The following CELF4 variants were observed in gnomAD, a reference collection of about 807,000 sequenced individuals.
CELF4 encodes CUGBP Elav-like family member 4.
CELF4 carries 18 observed loss-of-function variants against 59.9 expected under a neutral mutation model. The observed-to-expected ratio is 0.30, with a 90% CI of 0.21 to 0.45. The LOEUF is 0.45. Ranked by LOEUF, CELF4 falls within the 20% of genes least tolerant of loss-of-function variation. The pLI, the probability that CELF4 is intolerant of heterozygous loss-of-function variation, is 1.00. For missense variants in CELF4, 456 were observed against 689.0 expected, an observed-to-expected ratio of 0.66 and a Z score of 3.79; for synonymous variants, 261 against 267.1, an observed-to-expected ratio of 0.98 and a Z score of 0.22.
At chr18:37,451,095 C>T (rs1021532363) in intron 2 of CELF4, among the ~76,000 whole-genome samples, 2 of 152,178 alleles carry the variant, frequency 1.3e-5, no homozygotes, top group African/African-American at 4.8e-5. Flanking sequence ...GCTGCAGAGA[C>T]CAGGCTCTGC....
chr18:37,393,030 G>A (rs1199932587), intron 2 of CELF4, among the ~76,000 whole-genome samples: 2 of 152,090 alleles, frequency 1.3e-5, no homozygotes, highest in South Asian at 2.1e-4. Context: ...CATATGCCTA[G>A]GCATAGTGTG....
At chr18:37,443,139 A>G (rs2099737718) in intron 2 of CELF4, among the ~76,000 whole-genome samples, 1 of 152,058 alleles carries the variant, frequency 6.6e-6, no homozygotes, top group Admixed American at 6.5e-5. Context: ...TGGGAAGGGG[A>G]CGTGTCTTCT....
At chr18:37,565,061 C>A (rs1209961843) in intron 1 of CELF4, among the ~76,000 whole-genome samples, 1 of 152,046 alleles carries the variant, frequency 6.6e-6, no homozygotes, top group Non-Finnish European at 1.5e-5. Flanking sequence ...GGTCGCTGTA[C>A]CCAAAAATCC....
intron 3 of CELF4, among the ~76,000 whole-genome samples, chr18:37,318,713 T>C (rs530581959): frequency 2.7e-5 from 4 of 147,782 alleles, no homozygotes; most frequent in African/African-American, 5.0e-5. Flanking sequence ...ACAGGAGATA[T>C]ATGGGAGAAA....
chr18:37,545,739 C>T (rs1289974957), intron 1 of CELF4, among the ~76,000 whole-genome samples: 2 of 143,096 alleles, frequency 1.4e-5, no homozygotes, highest in Non-Finnish European at 1.5e-5. Context: ...CTCTCATATG[C>T]GTGTGTGTGG....
chr18:37,530,006 C>CA (rs1384154483), intron 1 of CELF4, among the ~76,000 whole-genome samples: 1 of 152,114 alleles, frequency 6.6e-6, no homozygotes, highest in African/African-American at 2.4e-5. Flanking sequence ...TGCACAGAAC[C>CA]AGACACTTTG....
chr18:37,249,249 G>A (rs181248877), intron 12 of CELF4, among the ~76,000 whole-genome samples: 18 of 152,232 alleles, frequency 1.2e-4, no homozygotes, highest in African/African-American at 2.2e-4. Flanking sequence ...GGCAGCTCCC[G>A]TTGGCACGGG....
intron 5 of CELF4, 159 bp from the exon 6 acceptor site, chr18:37,274,613 G>A: frequency 6.6e-7 from 1 of 1,522,038 alleles, no homozygotes; most frequent in Non-Finnish European, 8.8e-7. Context: ...CCCCACCGCG[G>A]GCATTTTCCA....
chr18:37,439,782 T>C (rs1300676201), intron 2 of CELF4, among the ~76,000 whole-genome samples: 1 of 152,166 alleles, frequency 6.6e-6, no homozygotes, highest in Non-Finnish European at 1.5e-5. Flanking sequence ...CATCATATCA[T>C]CTCTGGCTTA....
At chr18:37,501,770 T>C (rs1004028661) in intron 1 of CELF4, among the ~76,000 whole-genome samples, 2 of 152,176 alleles carry the variant, frequency 1.3e-5, no homozygotes, top group Non-Finnish European at 2.9e-5. Flanking sequence ...GAACAAGTTA[T>C]GTGTGGGACT....
At chr18:37,318,642 C>A (rs947031137) in intron 3 of CELF4, among the ~76,000 whole-genome samples, 274 of 104,308 alleles carry the variant, frequency 2.6e-3, no homozygotes, top group Admixed American at 6.0e-3. Context: ...CCCCCCCCCC[C>A]ACTTTCTACT....
intron 2 of CELF4, among the ~76,000 whole-genome samples, chr18:37,469,079 G>T (rs986600931): frequency 6.6e-6 from 1 of 152,126 alleles, no homozygotes; most frequent in African/African-American, 2.4e-5. Flanking sequence ...AGGGAAAGTG[G>T]GATCATCACT....
At position 37,244,389 on chromosome 18, in the gene CELF4, C is replaced by G. The variant is rs2061335749; in HGVS notation, c.*853G>C. On this transcript the variant is annotated 3_prime_UTR_variant, in exon 13 of 13. Transcript: ENST00000420428. ...GAGTTTTAAGATTTGTGTTGCTTTC[C>G]CCAAATATCCACCAATTTGTTCATC... 1 of 152,292 alleles carries G rather than the reference C, an allele frequency of 6.6e-6. No individual in the cohort carries two copies. The highest frequency in any genetic ancestry group is 6.6e-5 in the Admixed American group (1 of 15,260). The allele number at this position is 152,292 out of a possible 1,614,324, so 9.4% of individuals were successfully genotyped here.
intron 1 of CELF4, among the ~76,000 whole-genome samples, chr18:37,553,999 A>G (rs556546679): frequency 6.6e-4 from 101 of 152,224 alleles, no homozygotes; most frequent in Non-Finnish European, 1.2e-3. Context: ...AAAAAGGTGT[A>G]AAGAAGTGGT....
intron 11 of CELF4, among the ~76,000 whole-genome samples, chr18:37,256,081 T>C (rs1680338889): frequency 6.6e-6 from 1 of 152,188 alleles, no homozygotes; most frequent in South Asian, 2.1e-4. Context: ...TGGAGGCCCC[T>C]GTGGCAGGGC....
intron 2 of CELF4, among the ~76,000 whole-genome samples, chr18:37,404,983 A>C (rs1286568862): frequency 6.6e-6 from 1 of 152,172 alleles, no homozygotes; most frequent in East Asian, 1.9e-4. Context: ...CTTGTAAAAA[A>C]ACAAAACAAA....
At chr18:37,408,823 G>A (rs1381951052) in intron 2 of CELF4, among the ~76,000 whole-genome samples, 2 of 152,216 alleles carry the variant, frequency 1.3e-5, no homozygotes, top group South Asian at 2.1e-4. Context: ...AGGTATCGCC[G>A]CCTGCTCCGT....
chr18:37,457,934 G>A (rs2099782910), intron 2 of CELF4, among the ~76,000 whole-genome samples: 2 of 152,194 alleles, frequency 1.3e-5, no homozygotes, highest in African/African-American at 4.8e-5. Context: ...GCTCCTGGAT[G>A]TCTATCACCA....
At chr18:37,320,680 G>C (rs908061546) in intron 3 of CELF4, among the ~76,000 whole-genome samples, 1 of 152,200 alleles carries the variant, frequency 6.6e-6, no homozygotes, top group African/African-American at 2.4e-5. Context: ...AAGTGGCTGA[G>C]AGCTCAGTTC....
Sources: allele counts gnomAD v4.1 joint callset (sites outside exome capture counted in the v4.1 genomes callset), GRCh38; gene constraint gnomAD v4.1.1; transcripts MANE v1.5; gene names NCBI Gene and HGNC (gene_info 2026-07-23, HGNC 2026-07-21).